FGGY: variants seen among roughly 807,000 people sequenced by gnomAD.
The protein encoded by FGGY is FGGY carbohydrate kinase domain-containing protein.
In FGGY, 72 loss-of-function variants were observed where a neutral mutation model predicts 71.3. That is an observed-to-expected ratio of 1.01 (90% CI 0.84 to 1.23). The LOEUF is 1.23. Ranked by LOEUF, FGGY falls within the 50% of genes most tolerant of loss-of-function variation. The probability of loss-of-function intolerance (pLI) is 0.00; values close to 1 mark genes in which losing one functional copy is unlikely to be tolerated. For missense variants in FGGY, 668 were observed against 682.3 expected (o/e 0.98, Z 0.23); for synonymous variants, 251 against 250.3 (o/e 1.00, Z -0.02).
chr1:59,464,962 G>A (rs2092520019), intron 6 of FGGY, among the ~76,000 whole-genome samples: 1 of 152,184 alleles, frequency 6.6e-6, no homozygotes, highest in East Asian at 1.9e-4. Context: ...CATTCCTTCT[G>A]AAACTATTCC....
intron 8 of FGGY, among the ~76,000 whole-genome samples, chr1:59,604,998 G>A (rs2096610453): frequency 6.6e-6 from 1 of 152,206 alleles, no homozygotes; most frequent in Admixed American, 6.5e-5. Flanking sequence ...GTACCAGTTA[G>A]TATGCTCTCC....
intron 10 of FGGY, among the ~76,000 whole-genome samples, chr1:59,627,730 G>T (rs186808145): frequency 6.6e-6 from 1 of 151,654 alleles, no homozygotes; most frequent in East Asian, 1.9e-4. Context: ...TCTACGCTGC[G>T]GCAGTAAAAT....
intron 14 of FGGY, among the ~76,000 whole-genome samples, chr1:59,704,059 C>T (rs1435847711): frequency 6.6e-6 from 1 of 152,052 alleles, no homozygotes; most frequent in Non-Finnish European, 1.5e-5. Context: ...GTTGAACTAG[C>T]CTATGCAGTA....
intron 5 of FGGY, among the ~76,000 whole-genome samples, chr1:59,451,380 G>GTT (rs137934650): frequency 0.04 from 5,930 of 146,560 alleles, 383 homozygotes; most frequent in African/African-American, 0.14. Context: ...GTTGTTGTTT[G>GTT]TTTTTTTTTT....
rs2153451453 is a variant in FGGY at position 59,425,493 on chromosome 1, A to G, written c.555-31468A>G. ...CTGGCAGGAGGAGCATAATGCGTAG[A>G]GGAGGGAAAGGGAAATGAGCTTTCC... On this transcript the variant is annotated intron_variant, in intron 5 of 15. Transcript: ENST00000303721. Among the ~76,000 whole-genome samples the G allele has an allele frequency of 2.6e-5, 4 of 152,266 alleles. No homozygotes were observed. In the South Asian group the frequency reaches 8.3e-4, roughly 32 times the overall value.
At chr1:59,541,739 T>A (rs182363964) in intron 7 of FGGY, among the ~76,000 whole-genome samples, 15 of 152,318 alleles carry the variant, frequency 9.8e-5, no homozygotes. Context: ...TGTACTTCAA[T>A]GTACCAAAAA....
chr1:59,710,393 A>G (rs962710916), intron 14 of FGGY, among the ~76,000 whole-genome samples: 1 of 152,214 alleles, frequency 6.6e-6, no homozygotes, highest in Non-Finnish European at 1.5e-5. Flanking sequence ...ATGGGCAAAG[A>G]CTTCATGACT....
Position 59,762,622 on chromosome 1 carries a change from C to A in FGGY, c.*38C>A. The A allele has an allele frequency of 1.4e-6, 2 of 1,459,482 alleles. No homozygotes were observed. The highest frequency in any genetic ancestry group is 1.9e-6 in the Non-Finnish European group (2 of 1,072,792). The allele number at this position is 1,459,482 out of a possible 1,614,324, so 90.4% of individuals were successfully genotyped here. ...GGTGCTGATGCCAGAAGCTTCTGTGCCATTGCATTAAAGACTTGTCATTTG... is the reference window on the plus strand; with the variant it reads ...GGTGCTGATGCCAGAAGCTTCTGTGACATTGCATTAAAGACTTGTCATTTG... On this transcript the variant is annotated 3_prime_UTR_variant, in exon 16 of 16. Transcript: ENST00000303721.
At chr1:59,458,347 G>A (rs2153515710) in intron 6 of FGGY, among the ~76,000 whole-genome samples, 1 of 152,240 alleles carries the variant, frequency 6.6e-6, no homozygotes, top group South Asian at 2.1e-4. Flanking sequence ...CCTAGCACAA[G>A]GCATGGCATA....
chr1:59,521,247 G>A (rs569463717), intron 7 of FGGY, among the ~76,000 whole-genome samples: 45 of 152,226 alleles, frequency 3.0e-4, no homozygotes, highest in Middle Eastern at 3.4e-3. Context: ...CTGAGACCTC[G>A]GCAGTTCATG....
intron 4 of FGGY, among the ~76,000 whole-genome samples, chr1:59,363,363 G>C (rs1009772182): frequency 3.3e-5 from 5 of 152,178 alleles, no homozygotes; most frequent in African/African-American, 1.2e-4. Context: ...GTAATAATAA[G>C]AACAATCGTA....
chr1:59,513,963 T>C (rs2094577916), intron 7 of FGGY, among the ~76,000 whole-genome samples: 1 of 152,258 alleles, frequency 6.6e-6, no homozygotes, highest in African/African-American at 2.4e-5. Context: ...TAAGAATTAG[T>C]AAACAACTCA....
intron 7 of FGGY, among the ~76,000 whole-genome samples, chr1:59,516,252 T>G (rs2094647917): frequency 6.6e-6 from 1 of 152,140 alleles, no homozygotes; most frequent in Non-Finnish European, 1.5e-5. Flanking sequence ...TGCCTGAAAA[T>G]CTTGAAAAGG....
At chr1:59,550,055 G>A (rs531650680) in intron 7 of FGGY, among the ~76,000 whole-genome samples, 25 of 152,260 alleles carry the variant, frequency 1.6e-4, no homozygotes, top group Middle Eastern at 3.4e-3. Context: ...CATCAGTTGG[G>A]CATTGTGCAA....
chr1:59,719,777 T>C (rs2097872802), intron 14 of FGGY, among the ~76,000 whole-genome samples: 1 of 152,190 alleles, frequency 6.6e-6, no homozygotes, highest in Non-Finnish European at 1.5e-5. Context: ...TCATTTAATA[T>C]TGATAAGGGC....
chr1:59,497,615 G>A (rs2153600520), intron 6 of FGGY, among the ~76,000 whole-genome samples: 1 of 152,242 alleles, frequency 6.6e-6, no homozygotes, highest in Middle Eastern at 3.4e-3. Flanking sequence ...AAAAAAACCA[G>A]AGTAGAATGC....
intron 11 of FGGY, among the ~76,000 whole-genome samples, chr1:59,651,308 G>T (rs375253787): frequency 2.0e-5 from 3 of 151,690 alleles, no homozygotes; most frequent in African/African-American, 7.3e-5. Context: ...GGGTATCCTT[G>T]TTGACTTTCT....
chr1:59,663,208 G>A (rs2097293797), intron 12 of FGGY, among the ~76,000 whole-genome samples: 1 of 152,190 alleles, frequency 6.6e-6, no homozygotes, highest in African/African-American at 2.4e-5. Flanking sequence ...CAGACAAGGG[G>A]AGGACCATTT....
chr1:59,428,276 A>G (rs887836405), intron 5 of FGGY, among the ~76,000 whole-genome samples: 2 of 139,174 alleles, frequency 1.4e-5, no homozygotes, highest in Non-Finnish European at 3.2e-5. Flanking sequence ...CCATATGTAT[A>G]TTATATCACT....
Sources: gnomAD v4.1 joint callset for allele counts (sites outside exome capture counted in the v4.1 genomes callset) on GRCh38, gnomAD v4.1.1 for gene constraint, MANE v1.5 for transcripts, NCBI Gene and HGNC (gene_info 2026-07-23, HGNC 2026-07-21) for gene names.